The following TUSC3 variants were observed in gnomAD, a reference collection of about 807,000 sequenced individuals.
The protein encoded by TUSC3 is dolichyl-diphosphooligosaccharide--protein glycosyltransferase subunit TUSC3.
Under a neutral mutation model 44.8 loss-of-function variants are expected in TUSC3, and 45 were observed. That is an observed-to-expected ratio of 1.00 (90% CI 0.79 to 1.29). The LOEUF (loss-of-function observed/expected upper bound fraction) is 1.29, where lower values mean the gene tolerates loss of function less well. Ranked by LOEUF, TUSC3 falls within the 50% of genes most tolerant of loss-of-function variation. The probability of loss-of-function intolerance (pLI) is 0.00; values close to 1 mark genes in which losing one functional copy is unlikely to be tolerated. For synonymous variants in TUSC3, 212 were observed against 152.9 expected, an observed-to-expected ratio of 1.39 and a Z score of -2.85; for missense variants, 519 against 437.9, an observed-to-expected ratio of 1.19 and a Z score of -1.65.
At chr8:15,462,310 CAAT>C (rs1186834018) in intron 1 of TUSC3, among the ~76,000 whole-genome samples, 2 of 151,904 alleles carry the variant, frequency 1.3e-5, no homozygotes, top group African/African-American at 4.8e-5. Flanking sequence ...TATTACAACT[CAAT>C]AATAAAGAAA....
the TUSC3 span, among the ~76,000 whole-genome samples, chr8:15,780,716 C>G: frequency 6.6e-6 from 1 of 152,106 alleles, no homozygotes; most frequent in Non-Finnish European, 1.5e-5. Flanking sequence ...GCAATAACTT[C>G]AGGTCTACTG....
intron 2 of TUSC3, among the ~76,000 whole-genome samples, chr8:15,522,617 CT>C (rs1407334325): frequency 6.6e-6 from 1 of 151,194 alleles, no homozygotes; most frequent in Non-Finnish European, 1.5e-5. Flanking sequence ...ATTGAGAATA[CT>C]TTGGTGGGTA....
chr8:15,492,101 T>C (rs1016748878), intron 2 of TUSC3, among the ~76,000 whole-genome samples: 2 of 152,154 alleles, frequency 1.3e-5, no homozygotes, highest in Admixed American at 1.3e-4. Context: ...AACCATTTGT[T>C]GAGTACTTAC....
intron 1 of TUSC3, among the ~76,000 whole-genome samples, chr8:15,615,263 A>T (rs1304246878): frequency 6.6e-6 from 1 of 152,222 alleles, no homozygotes; most frequent in East Asian, 1.9e-4. Flanking sequence ...TACACAATGG[A>T]ATGTTATTCA....
rs757386607 is a variant in TUSC3 at position 15,748,742 on chromosome 8, A to C, written c.1028+277A>C. The C allele has an allele frequency of 5.1e-6, 3 of 585,272 alleles. No individual in the cohort carries two copies. The Admixed American group carries it at 5.6e-5, about 11-fold the overall frequency. The allele number at this position is 585,272 out of a possible 1,614,324, so 36.3% of individuals were successfully genotyped here. A position where few individuals can be genotyped will look rare whatever the true frequency, so the allele number is the denominator to read the frequency against. ...TTTAAGCTCATTTTGAGGACTTGAA[A>C]ATTTTTATCTTCCCTTAGTTTGTCG... On this transcript the variant is annotated intron_variant, in intron 9 of 10. Coordinates refer to ENST00000503731, the MANE Select transcript of TUSC3 (RefSeq NM_006765.4).
the TUSC3 span, among the ~76,000 whole-genome samples, chr8:15,788,589 A>G: frequency 2.9e-3 from 437 of 151,638 alleles, 3 homozygotes; most frequent in African/African-American, 0.01. Context: ...AAAGCTGTTT[A>G]CAACAAAACT....
At chr8:15,440,190 G>A (rs1323995237) in intron 1 of TUSC3, among the ~76,000 whole-genome samples, 1 of 152,310 alleles carries the variant, frequency 6.6e-6, no homozygotes, top group Non-Finnish European at 1.5e-5. Flanking sequence ...AGGGCTGAAA[G>A]GTGAACAGAA....
At chr8:15,691,602 A>G (rs1039614229) in intron 6 of TUSC3, among the ~76,000 whole-genome samples, 1 of 152,146 alleles carries the variant, frequency 6.6e-6, no homozygotes, top group African/African-American at 2.4e-5. Context: ...TTCAAGGGGA[A>G]TGTTTCCAGC....
intron 3 of TUSC3, among the ~76,000 whole-genome samples, chr8:15,652,802 C>G (rs1417625041): frequency 6.6e-6 from 1 of 152,182 alleles, no homozygotes; most frequent in Non-Finnish European, 1.5e-5. Context: ...TCCAACAAGA[C>G]TGCTAGAGCA....
At chr8:15,832,893 G>A in the TUSC3 span, among the ~76,000 whole-genome samples, 1 of 152,018 alleles carries the variant, frequency 6.6e-6, no homozygotes, top group Non-Finnish European at 1.5e-5. Context: ...AATTAACAAA[G>A]ATATCCCAGA....
intron 1 of TUSC3, among the ~76,000 whole-genome samples, chr8:15,576,040 G>T (rs1455045597): frequency 6.6e-6 from 1 of 151,756 alleles, no homozygotes; most frequent in African/African-American, 2.4e-5. Context: ...TTGAAATTTA[G>T]AAGTTATGAT....
intron 1 of TUSC3, among the ~76,000 whole-genome samples, chr8:15,467,914 G>A (rs1800435129): frequency 6.6e-6 from 1 of 151,956 alleles, no homozygotes; most frequent in Non-Finnish European, 1.5e-5. Context: ...CATAAAATAA[G>A]CATTTAACTT....
chr8:15,804,445 G>A, the TUSC3 span, among the ~76,000 whole-genome samples: 13 of 152,078 alleles, frequency 8.5e-5, no homozygotes, highest in African/African-American at 2.4e-4. Context: ...TTTCTTCTAG[G>A]ATTTTCATAG....
chr8:15,849,490 T>C, the TUSC3 span, among the ~76,000 whole-genome samples: 1 of 152,116 alleles, frequency 6.6e-6, no homozygotes, highest in East Asian at 1.9e-4. Flanking sequence ...AAGTATTGTG[T>C]AAAATCTGTA....
intron 2 of TUSC3, among the ~76,000 whole-genome samples, chr8:15,518,331 A>C (rs1801249785): frequency 1.3e-5 from 2 of 152,168 alleles, no homozygotes; most frequent in African/African-American, 4.8e-5. Context: ...CAAATTATAC[A>C]TGTTACAGTT....
intron 1 of TUSC3, among the ~76,000 whole-genome samples, chr8:15,448,153 C>G (rs555602752): frequency 3.4e-4 from 9 of 26,740 alleles, no homozygotes; most frequent in African/African-American, 5.2e-4. Flanking sequence ...GAGTCTTGCT[C>G]TGTCATCCAG....
intron 6 of TUSC3, among the ~76,000 whole-genome samples, chr8:15,690,959 T>A (rs2129190009): frequency 8.4e-6 from 1 of 118,404 alleles, no homozygotes; most frequent in African/African-American, 2.7e-5. Context: ...TTGCCCATTT[T>A]GCTTAGGATT....
intron 2 of TUSC3, among the ~76,000 whole-genome samples, chr8:15,519,053 G>A (rs1004752197): frequency 1.3e-5 from 2 of 152,108 alleles, no homozygotes; most frequent in African/African-American, 4.8e-5. Flanking sequence ...ACAGTGTTGT[G>A]TGGTCCTGGA....
At chr8:15,498,528 T>C (rs940088765) in intron 2 of TUSC3, among the ~76,000 whole-genome samples, 1 of 152,174 alleles carries the variant, frequency 6.6e-6, no homozygotes, top group African/African-American at 2.4e-5. Flanking sequence ...ATCCTAGCGA[T>C]GAATTTGAAG....
Sources: allele counts gnomAD v4.1 joint callset (sites outside exome capture counted in the v4.1 genomes callset), GRCh38; gene constraint gnomAD v4.1.1; transcripts MANE v1.5; gene names NCBI Gene and HGNC (gene_info 2026-07-23, HGNC 2026-07-21).